The following MARCHF1 variants were observed in gnomAD, a reference collection of about 807,000 sequenced individuals.
MARCHF1 encodes the protein E3 ubiquitin-protein ligase MARCHF1.
MARCHF1 carries 40 observed loss-of-function variants against 54.2 expected under a neutral mutation model. The observed-to-expected ratio is 0.74, with a 90% CI of 0.57 to 0.96. MARCHF1 has a LOEUF of 0.96. Ranked by LOEUF, MARCHF1 falls within the 40% of genes least tolerant of loss-of-function variation. The pLI is 0.00. For synonymous variants in MARCHF1, 236 were observed against 236.3 expected (o/e 1.00, Z 0.01); for missense variants, 586 against 656.5 (o/e 0.89, Z 1.17).
intron 1 of MARCHF1, among the ~76,000 whole-genome samples, chr4:164,136,891 C>A (rs555444846): frequency 6.6e-6 from 1 of 152,082 alleles, no homozygotes; most frequent in Admixed American, 6.5e-5. Context: ...AGGAAGAATG[C>A]GGTTTTGTGA....
intron 3 of MARCHF1, among the ~76,000 whole-genome samples, chr4:163,950,565 C>T (rs1752114875): frequency 1.3e-5 from 2 of 152,140 alleles, no homozygotes; most frequent in South Asian, 2.1e-4. Context: ...GGGTGGGGCT[C>T]CTGCCCCTCC....
chr4:163,553,802 TTA>T (rs1739194518), intron 8 of MARCHF1, among the ~76,000 whole-genome samples: 1 of 152,168 alleles, frequency 6.6e-6, no homozygotes, highest in Admixed American at 6.5e-5. Context: ...TGGCTTAGAA[TTA>T]TGTCTTCTGT....
Position 164,018,509 on chromosome 4 carries a change from A to C in MARCHF1, c.-247-29800T>G, listed in dbSNP as rs1021490660. On this transcript the variant is annotated intron_variant, in intron 2 of 9. Transcript: ENST00000514618. ...ATAATAGGAAGACAATCTAATATAA[A>C]ATTGGCAAATTATTTTAATGAATGT... 2.6e-5 allele frequency among the ~76,000 whole-genome samples: 4 copies of C among 152,090 alleles called. No individual in the cohort carries two copies. The East Asian group carries it at 7.7e-4, about 29-fold the overall frequency.
intron 2 of MARCHF1, among the ~76,000 whole-genome samples, chr4:164,042,337 C>T (rs1232649638): frequency 6.6e-6 from 1 of 152,092 alleles, no homozygotes; most frequent in African/African-American, 2.4e-5. Context: ...ATAGGCTTAA[C>T]AGGAAGCATA....
chr4:164,195,988 A>G (rs1387439925), intron 1 of MARCHF1, among the ~76,000 whole-genome samples: 3 of 152,312 alleles, frequency 2.0e-5, no homozygotes, highest in East Asian at 3.9e-4. Flanking sequence ...CAACATAAAT[A>G]TAGTTGAAAT....
intron 2 of MARCHF1, among the ~76,000 whole-genome samples, chr4:164,093,550 C>T (rs1755347955): frequency 6.6e-6 from 1 of 152,130 alleles, no homozygotes; most frequent in Non-Finnish European, 1.5e-5. Flanking sequence ...GATACCCAAA[C>T]TATATTTCCC....
chr4:163,825,561 C>G (rs1748826146), intron 4 of MARCHF1, among the ~76,000 whole-genome samples: 1 of 152,060 alleles, frequency 6.6e-6, no homozygotes, highest in Non-Finnish European at 1.5e-5. Context: ...TTCCCACCAG[C>G]AGTGTATAAG....
rs1262437039 is a variant in MARCHF1 at position 163,525,697 on chromosome 4, C to T, written c.*3051G>A. On this transcript the variant is annotated 3_prime_UTR_variant, in exon 10 of 10. Coordinates refer to ENST00000514618, the MANE Select transcript of MARCHF1 (RefSeq NM_001394959.1). ...TTAACACAACTGTAATTTCATTCTT[C>T]AATTTTAGTCCTTTTTTTTTCAATT... is the stretch of plus-strand genomic sequence containing the variant. The T allele has an allele frequency of 6.6e-6, 1 of 151,940 alleles. No homozygotes were observed. Among genetic ancestry groups the T allele is most frequent in the Non-Finnish European group, 1.5e-5 (1 of 67,976 alleles). 9.4% of individuals were successfully genotyped at this position (151,940 alleles called of 1,614,324 possible). A position where few individuals can be genotyped will look rare whatever the true frequency, so the allele number is the denominator to read the frequency against.
intron 5 of MARCHF1, among the ~76,000 whole-genome samples, chr4:163,649,433 G>A (rs2062852908): frequency 6.6e-6 from 1 of 151,970 alleles, no homozygotes; most frequent in Non-Finnish European, 1.5e-5. Context: ...AATAATCGGT[G>A]ATATCTATGT....
At chr4:163,593,047 T>C (rs1740643906) in intron 7 of MARCHF1, among the ~76,000 whole-genome samples, 1 of 152,164 alleles carries the variant, frequency 6.6e-6, no homozygotes, top group Admixed American at 6.6e-5. Context: ...CTGCCCTCTC[T>C]ATACTCATTG....
At chr4:163,954,118 T>C (rs1752187113) in intron 3 of MARCHF1, among the ~76,000 whole-genome samples, 1 of 152,120 alleles carries the variant, frequency 6.6e-6, no homozygotes, top group African/African-American at 2.4e-5. Context: ...AAGAAATAAC[T>C]AGGTAAAAGA....
At chr4:163,935,698 CTTTCT>C (rs1406817330) in intron 3 of MARCHF1, among the ~76,000 whole-genome samples, 11 of 87,120 alleles carry the variant, frequency 1.3e-4, no homozygotes, top group Admixed American at 3.2e-4. Flanking sequence ...GTTTTGCTTG[CTTTCT>C]TTTTTTTTTT....
chr4:164,357,844 G>C (rs1348435464), intron 1 of MARCHF1, among the ~76,000 whole-genome samples: 3 of 152,076 alleles, frequency 2.0e-5, no homozygotes, highest in African/African-American at 4.8e-5. Context: ...GTACAAAATA[G>C]ATTTTTAAGA....
chr4:163,697,206 G>T (rs954561699), intron 5 of MARCHF1, among the ~76,000 whole-genome samples: 1 of 152,132 alleles, frequency 6.6e-6, no homozygotes, highest in Non-Finnish European at 1.5e-5. Context: ...GGGGCTGAGG[G>T]TGTAGGCAAC....
At chr4:164,127,052 T>TCAAAACAAAACAAAACAAAACAAAA (rs61100715) in intron 1 of MARCHF1, among the ~76,000 whole-genome samples, 4,920 of 150,570 alleles carry the variant, frequency 0.033, 120 homozygotes, top group East Asian at 0.13. Context: ...AAACTCCGTC[T>TCAAAACAAAACAAAACAAAACAAAA]CAAAACAAAA....
At chr4:164,378,838 A>G (rs1215544124) in intron 1 of MARCHF1, among the ~76,000 whole-genome samples, 1 of 152,080 alleles carries the variant, frequency 6.6e-6, no homozygotes, top group African/African-American at 2.4e-5. Flanking sequence ...CAGCCTCCCA[A>G]GTAGCTGGGA....
intron 3 of MARCHF1, among the ~76,000 whole-genome samples, chr4:163,942,514 A>G (rs1307294602): frequency 2.4e-4 from 36 of 152,212 alleles, no homozygotes; most frequent in Admixed American, 2.2e-3. Flanking sequence ...GACTGATTAT[A>G]TGGGCACAGA....
chr4:163,566,373 G>T (rs1450132451), intron 8 of MARCHF1, among the ~76,000 whole-genome samples: 1 of 152,214 alleles, frequency 6.6e-6, no homozygotes, highest in Non-Finnish European at 1.5e-5. Flanking sequence ...CATATTAGGA[G>T]CAAAGGAACT....
In MARCHF1 at chr4:163,682,786, A is replaced by T. The variant is rs1006237610; in HGVS notation, c.162+18027T>A. ...TGTTCCTGCTGCCATGTGAAGAAGG[A>T]CATGTTTGCCTCCCCTTCTGCTATA... On this transcript the variant is annotated intron_variant, in intron 5 of 9. Transcript: ENST00000514618. Among the ~76,000 whole-genome samples, 35 of 152,222 alleles carry T rather than the reference A, an allele frequency of 2.3e-4. 1 individual carries two copies. Among genetic ancestry groups the T allele is most frequent in the Admixed American group, 2.2e-3 (34 of 15,278 alleles).
Sources: gnomAD v4.1 joint callset for allele counts (sites outside exome capture counted in the v4.1 genomes callset) on GRCh38, gnomAD v4.1.1 for gene constraint, MANE v1.5 for transcripts, NCBI Gene and HGNC (gene_info 2026-07-23, HGNC 2026-07-21) for gene names.